Variants in LOC400499 observed in about 807,000 individuals in gnomAD.
chr16:11,419,625 T>A, the LOC400499 span, among the ~76,000 whole-genome samples: 1 of 152,054 alleles, frequency 6.6e-6, no homozygotes, highest in Non-Finnish European at 1.5e-5. Context: ...CTGAAGAGCT[T>A]CTGCACGGCA....
the LOC400499 span, chr16:11,443,278 T>C: frequency 3.1e-6 from 1 of 322,726 alleles, no homozygotes; most frequent in Non-Finnish European, 5.8e-6. Context: ...GAGCCGACAT[T>C]GCGCAGCTGC....
chr16:11,476,260 G>C, the LOC400499 span, among the ~76,000 whole-genome samples: 1 of 151,962 alleles, frequency 6.6e-6, no homozygotes, highest in Non-Finnish European at 1.5e-5. Flanking sequence ...AATATGGGTA[G>C]GTGGGGCAGC....
At chr16:11,415,050 C>A in the LOC400499 span, among the ~76,000 whole-genome samples, 6 of 152,102 alleles carry the variant, frequency 3.9e-5, no homozygotes, top group Admixed American at 3.9e-4. Context: ...TGCAGGGATT[C>A]CTGAGGATTA....
At chr16:11,463,405 G>T in the LOC400499 span, among the ~76,000 whole-genome samples, 1 of 149,468 alleles carries the variant, frequency 6.7e-6, no homozygotes, top group African/African-American at 2.4e-5. Context: ...AATGTGTGTG[G>T]ATGTGTGTAC....
the LOC400499 span, chr16:11,417,907 C>A: frequency 2.5e-6 from 1 of 398,100 alleles, no homozygotes; most frequent in Non-Finnish European, 4.4e-6. Context: ...CAAGCTGGCA[C>A]TGGCTCCCAC....
the LOC400499 span, chr16:11,491,912 C>T: frequency 2.5e-6 from 1 of 397,534 alleles, no homozygotes; most frequent in Non-Finnish European, 4.4e-6. Flanking sequence ...TATGATGTCC[C>T]TGGCTGCAGC....
At chr16:11,378,599 T>G in the LOC400499 span, among the ~76,000 whole-genome samples, 2 of 152,190 alleles carry the variant, frequency 1.3e-5, no homozygotes, top group Admixed American at 1.3e-4. Flanking sequence ...CAGCTACAAA[T>G]TTCCCTCATA....
chr16:11,427,855 T>G, the LOC400499 span, among the ~76,000 whole-genome samples: 5 of 152,174 alleles, frequency 3.3e-5, no homozygotes, highest in Non-Finnish European at 7.3e-5. Context: ...TAGTCCATGA[T>G]GTGTATTATA....
chr16:11,383,919 G>A, the LOC400499 span: 1 of 1,231,930 alleles, frequency 8.1e-7, no homozygotes, highest in Non-Finnish European at 1.0e-6. Flanking sequence ...TGGAGTGGGG[G>A]CCCTCGAAGA....
chr16:11,460,615 G>A, the LOC400499 span: 13 of 1,528,922 alleles, frequency 8.5e-6, no homozygotes, highest in African/African-American at 1.6e-4. Context: ...CCTGACCTGT[G>A]TGGATCAACC....
chr16:11,397,797 G>GCAT, the LOC400499 span, among the ~76,000 whole-genome samples: 407 of 142,368 alleles, frequency 2.9e-3, 6 homozygotes, highest in Middle Eastern at 0.011. Context: ...GAGGGAGGGA[G>GCAT]GGATGGACGG....
chr16:11,514,455 C>G, the LOC400499 span: 1 of 399,166 alleles, frequency 2.5e-6, no homozygotes. Flanking sequence ...AGTGGCCCCG[C>G]GGAGTCCAGC....
the LOC400499 span, among the ~76,000 whole-genome samples, chr16:11,411,044 C>T: frequency 6.6e-6 from 1 of 152,334 alleles, no homozygotes; most frequent in East Asian, 1.9e-4. Context: ...CTGGGGGCCA[C>T]GGGGGCTGGC....
chr16:11,414,424 C>G, the LOC400499 span: 2 of 399,684 alleles, frequency 5.0e-6, no homozygotes, highest in East Asian at 7.1e-5. Context: ...TGGGCCACGT[C>G]GTGGCCGAGC....
the LOC400499 span, among the ~76,000 whole-genome samples, chr16:11,433,927 T>C: frequency 6.6e-6 from 1 of 152,342 alleles, no homozygotes; most frequent in East Asian, 1.9e-4. Context: ...TAAATATATG[T>C]AAAATGTTTC....
At chr16:11,472,491 C>G in the LOC400499 span, 3 of 152,226 alleles carry the variant, frequency 2.0e-5, no homozygotes, top group Admixed American at 6.5e-5. Context: ...CCGTGCCCAG[C>G]CCCTGGTAGA....
chr16:11,385,351 T>G, the LOC400499 span: 9 of 1,232,146 alleles, frequency 7.3e-6, no homozygotes, highest in Non-Finnish European at 9.1e-6. Context: ...CCGCACTGGG[T>G]GCTGAGGTCC....
the LOC400499 span, among the ~76,000 whole-genome samples, chr16:11,477,203 C>T: frequency 6.6e-6 from 1 of 152,224 alleles, no homozygotes; most frequent in African/African-American, 2.4e-5. Flanking sequence ...AAGCATGTGG[C>T]TGGGACATGT....
At chr16:11,459,263 C>G in the LOC400499 span, among the ~76,000 whole-genome samples, 2 of 127,398 alleles carry the variant, frequency 1.6e-5, no homozygotes, top group South Asian at 5.3e-4. Context: ...GTGGTGCGAT[C>G]TCGGCTCACT....
Sources: allele counts gnomAD v4.1 joint callset (sites outside exome capture counted in the v4.1 genomes callset), GRCh38; gene constraint gnomAD v4.1.1; transcripts MANE v1.5.